MFSD6: variants seen among roughly 807,000 people sequenced by gnomAD.
MFSD6 encodes the protein major facilitator superfamily domain containing 6, also known as major facilitator superfamily domain-containing protein 6.
In MFSD6, 26 loss-of-function variants were observed where a neutral mutation model predicts 56.3. The ratio of observed to expected loss-of-function variants is 0.46; its 90% CI spans 0.34 to 0.64. The LOEUF is 0.64. MFSD6 is among the 30% of genes least tolerant of loss of function. MFSD6 has a pLI of 0.01. For missense variants in MFSD6, 750 were observed against 986.2 expected (o/e 0.76, Z 3.21); for synonymous variants, 331 against 366.9 (o/e 0.90, Z 1.12).
chr2:190,444,977 A>G (rs776527094), intron 3 of MFSD6: 44 of 414,392 alleles, frequency 1.1e-4, no homozygotes, highest in Non-Finnish European at 1.2e-4. Flanking sequence ...GAGCTAGTGT[A>G]GTCCAGGCCT....
chr2:190,489,228 G>A lies in MFSD6; in HGVS notation c.1792+410G>A, dbSNP rs1265214957. 6.6e-6 allele frequency among the ~76,000 whole-genome samples: 1 copy of A among 152,196 alleles called. No homozygotes were observed. Among genetic ancestry groups the A allele is most frequent in the East Asian group, 1.9e-4 (1 of 5,202 alleles). On this transcript the variant is annotated intron_variant, in intron 5 of 7. Transcript: ENST00000392328. This position sits in a 1 kb window ranked among gnomAD's most constrained non-coding sequence, Gnocchi z 6.6. ...AGAATCTAACCATATGCTGGCTTTG[G>A]TAATGCTACTACATTTATGGTAACA...
rs114579984 is a variant in MFSD6, at chr2:190,443,757, C to T, written c.1532+6196C>T. ...TTTTGCTCTTATAAACAAAGGTTGT[C>T]TTCTTAAAGATTAGTCTAGTCTGGG... On this transcript the variant is annotated intron_variant, in intron 3 of 7. Coordinates refer to ENST00000392328, the MANE Select transcript of MFSD6 (RefSeq NM_017694.4). The surrounding 1 kb of genome is among the most constrained non-coding windows in gnomAD (Gnocchi z 4.2). Among the ~76,000 whole-genome samples, 696 of 152,238 alleles carry T rather than the reference C, an allele frequency of 4.6e-3. 3 individuals carry two copies. The highest frequency in any genetic ancestry group is 7.1e-3 in the Non-Finnish European group (484 of 68,002).
rs765360060 is a variant in MFSD6 at position 190,497,395 on chromosome 2, T to C, written c.1892-44T>C. Reference sequence around the variant, plus strand: ...TTATTTTTACCTTTGTTCAAATATGTAGAAAATGCTGAAAAAATAGTTTAA... The same window carrying C: ...TTATTTTTACCTTTGTTCAAATATGCAGAAAATGCTGAAAAAATAGTTTAA... On this transcript the variant is annotated intron_variant, in intron 6 of 7. Coordinates refer to ENST00000392328, the MANE Select transcript of MFSD6 (RefSeq NM_017694.4). This position sits in a 1 kb window ranked among gnomAD's most constrained non-coding sequence, Gnocchi z 5.2. 6.3e-7 allele frequency: 1 copy of C among 1,590,600 alleles called. No homozygotes were observed. Among genetic ancestry groups the C allele is most frequent in the Non-Finnish European group, 8.6e-7 (1 of 1,166,626 alleles).
Position 190,437,577 on chromosome 2 carries a change from C to A in MFSD6, c.1532+16C>A. ...GCCACATCAGGTAAGAACATGCTTACGATTGCTGCCCCTCAGCAATTGAAC... is the reference window on the plus strand; with the variant it reads ...GCCACATCAGGTAAGAACATGCTTAAGATTGCTGCCCCTCAGCAATTGAAC... On this transcript the variant is annotated intron_variant, in intron 3 of 7. Coordinates refer to ENST00000392328, the MANE Select transcript of MFSD6 (RefSeq NM_017694.4). This position sits in a 1 kb window ranked among gnomAD's most constrained non-coding sequence, Gnocchi z 5.9. The A allele has an allele frequency of 6.2e-7, 1 of 1,601,078 alleles. No individual in the cohort carries two copies. The highest frequency in any genetic ancestry group is 8.5e-7 in the Non-Finnish European group (1 of 1,171,404).
At chr2:190,474,283 T>C (rs558652784) in intron 4 of MFSD6, among the ~76,000 whole-genome samples, 1 of 152,196 alleles carries the variant, frequency 6.6e-6, no homozygotes, top group South Asian at 2.1e-4. Flanking sequence ...AGGAGCTGGT[T>C]TTTTGAAAAG....
intron 3 of MFSD6, chr2:190,444,786 G>C: frequency 2.6e-6 from 1 of 386,790 alleles, no homozygotes; most frequent in Non-Finnish European, 3.5e-6. Flanking sequence ...GTATTAGGGT[G>C]CTAAAACCAT....
In MFSD6 at chr2:190,456,386, CT is replaced by C. The variant is rs1325204399; in HGVS notation, c.1533-13371del. Among the ~76,000 whole-genome samples the C allele has an allele frequency of 2.0e-5, 3 of 152,210 alleles. No individual in the cohort carries two copies. The highest frequency in any genetic ancestry group is 4.4e-5 in the Non-Finnish European group (3 of 68,038). ...AGGAATGACAGAGAGGGAGATGACC[CT>C]AAAGCCAGTGATGCCTCTGGCCTGG... On this transcript the variant is annotated intron_variant, in intron 3 of 7. Coordinates refer to ENST00000392328, the MANE Select transcript of MFSD6 (RefSeq NM_017694.4). This position sits in a 1 kb window ranked among gnomAD's most constrained non-coding sequence, Gnocchi z 5.4.
intron 4 of MFSD6, among the ~76,000 whole-genome samples, chr2:190,472,649 T>C (rs1333470056): frequency 6.6e-6 from 1 of 152,206 alleles, no homozygotes; most frequent in Non-Finnish European, 1.5e-5. Flanking sequence ...TGGAACCAAG[T>C]TGGAAAACAC....
At chr2:190,460,430 G>A (rs1687264022) in intron 3 of MFSD6, among the ~76,000 whole-genome samples, 1 of 152,070 alleles carries the variant, frequency 6.6e-6, no homozygotes, top group African/African-American at 2.4e-5. Context: ...TGTATAATAT[G>A]TGCATAGTGT....
intron 4 of MFSD6, among the ~76,000 whole-genome samples, chr2:190,481,190 C>T (rs1159506429): frequency 6.6e-6 from 1 of 152,190 alleles, no homozygotes; most frequent in East Asian, 1.9e-4. Context: ...TGGTAGTCTC[C>T]TAAAACCTGC....
intron 6 of MFSD6, among the ~76,000 whole-genome samples, chr2:190,493,063 G>T (rs1689452798): frequency 6.6e-6 from 1 of 151,958 alleles, no homozygotes; most frequent in Non-Finnish European, 1.5e-5. Context: ...TGGCCTAAAT[G>T]CTCCACTTAA....
At position 190,499,884 on chromosome 2, in the gene MFSD6, T is replaced by C. The variant is rs2125281189; in HGVS notation, c.2173-131T>C. 3 of 1,558,954 alleles carry C rather than the reference T, an allele frequency of 1.9e-6. No individual in the cohort carries two copies. The highest frequency in any genetic ancestry group is 1.7e-6 in the Non-Finnish European group (2 of 1,150,536). Reference sequence around the variant, plus strand: ...AAGACATTCTATCCTTATTCCTCTATTACTTGGTCCCTGAAATGGGCACTT... The same window carrying C: ...AAGACATTCTATCCTTATTCCTCTACTACTTGGTCCCTGAAATGGGCACTT... On this transcript the variant is annotated intron_variant, in intron 7 of 7. Transcript: ENST00000392328. The surrounding 1 kb of genome is among the most constrained non-coding windows in gnomAD (Gnocchi z 6.0).
In MFSD6 at chr2:190,459,377, T is replaced by C. The variant is rs1207698607; in HGVS notation, c.1533-10381T>C. On this transcript the variant is annotated intron_variant, in intron 3 of 7. Transcript: ENST00000392328. This position sits in a 1 kb window ranked among gnomAD's most constrained non-coding sequence, Gnocchi z 5.3. Reference sequence around the variant, plus strand: ...TTGAGGCCTTTTTAAAATTAACGGCTATGCCAAATGTCAGTGATTCTTCTC... The same window carrying C: ...TTGAGGCCTTTTTAAAATTAACGGCCATGCCAAATGTCAGTGATTCTTCTC... Among the ~76,000 whole-genome samples the C allele has an allele frequency of 1.3e-5, 2 of 152,252 alleles. No homozygotes were observed. Among genetic ancestry groups the C allele is most frequent in the East Asian group, 1.9e-4 (1 of 5,204 alleles).
intron 2 of MFSD6, among the ~76,000 whole-genome samples, chr2:190,435,593 A>G (rs1686149835): frequency 6.6e-6 from 1 of 152,180 alleles, no homozygotes. Context: ...CCTAGACTTC[A>G]TAATGTAGTG....
At chr2:190,442,875 A>G (rs1686433307) in intron 3 of MFSD6, 1 of 152,216 alleles carries the variant, frequency 6.6e-6, no homozygotes, top group South Asian at 2.1e-4. Flanking sequence ...GGGAATGTGG[A>G]TAAGATCAAC....
At chr2:190,480,064 C>G (rs554060023) in intron 4 of MFSD6, among the ~76,000 whole-genome samples, 18 of 152,214 alleles carry the variant, frequency 1.2e-4, no homozygotes, top group African/African-American at 4.3e-4. Context: ...TGGGGAGGCT[C>G]AGGTGGAAGG....
Position 190,447,613 on chromosome 2 carries a change from C to G in MFSD6, c.1532+10052C>G, listed in dbSNP as rs1032041724. On this transcript the variant is annotated intron_variant, in intron 3 of 7. Coordinates refer to ENST00000392328, the MANE Select transcript of MFSD6 (RefSeq NM_017694.4). This position sits in a 1 kb window ranked among gnomAD's most constrained non-coding sequence, Gnocchi z 4.5. ...TTTAGGCATTATAAGCTACTATCTTCATAATAGCTGGCAATATGAAAATTA... is the reference window on the plus strand; with the variant it reads ...TTTAGGCATTATAAGCTACTATCTTGATAATAGCTGGCAATATGAAAATTA... Among the ~76,000 whole-genome samples, 6 of 152,172 alleles carry G rather than the reference C, an allele frequency of 3.9e-5. No individual in the cohort carries two copies. The highest frequency in any genetic ancestry group is 1.4e-4 in the African/African-American group (6 of 41,438).
rs1048553841 is a variant in MFSD6, at chr2:190,471,898, G to C, written c.1630+2043G>C. Among the ~76,000 whole-genome samples the C allele has an allele frequency of 6.6e-6, 1 of 152,208 alleles. No individual in the cohort carries two copies. The highest frequency in any genetic ancestry group is 2.4e-5 in the African/African-American group (1 of 41,450). On this transcript the variant is annotated intron_variant, in intron 4 of 7. Coordinates refer to ENST00000392328, the MANE Select transcript of MFSD6 (RefSeq NM_017694.4). The surrounding 1 kb of genome is among the most constrained non-coding windows in gnomAD (Gnocchi z 4.7). ...GTACCCCTCTGAGACAAAACTTCCA[G>C]AGGAACGATCAGGCAGCAATATTTG...
intron 6 of MFSD6, among the ~76,000 whole-genome samples, chr2:190,493,526 A>C (rs1388124710): frequency 1.3e-5 from 2 of 152,206 alleles, no homozygotes; most frequent in Non-Finnish European, 2.9e-5. Context: ...CCTGGAACAA[A>C]TGAACTTAAC....
Sources: allele counts gnomAD v4.1 joint callset (sites outside exome capture counted in the v4.1 genomes callset), GRCh38; gene constraint gnomAD v4.1.1; non-coding constraint Gnocchi (gnomAD v3.1); transcripts MANE v1.5; gene names NCBI Gene and HGNC (gene_info 2026-07-23, HGNC 2026-07-21).